NEGR1: variants seen among roughly 807,000 people sequenced by gnomAD.
The protein encoded by NEGR1 is IgLON family member 4.
A neutral mutation model predicts 40.9 loss-of-function variants in NEGR1; 10 were observed. That is an observed-to-expected ratio of 0.24 (90% CI 0.15 to 0.42). The LOEUF (loss-of-function observed/expected upper bound fraction) is 0.42, where lower values mean the gene tolerates loss of function less well. Among genes scored for constraint, NEGR1 ranks in the 10% least tolerant of loss-of-function variants. NEGR1 has a pLI of 1.00. For missense variants in NEGR1, 352 were observed against 438.9 expected (o/e 0.80, Z 1.77); for synonymous variants, 185 against 166.8 (o/e 1.11, Z -0.84).
At chr1:72,253,750 T>TA (rs1453296635) in intron 1 of NEGR1, among the ~76,000 whole-genome samples, 1 of 152,124 alleles carries the variant, frequency 6.6e-6, no homozygotes. Flanking sequence ...TTGAAATCAA[T>TA]AAAAATATTA....
intron 4 of NEGR1, among the ~76,000 whole-genome samples, chr1:71,694,025 C>T (rs956513986): frequency 2.0e-5 from 3 of 151,554 alleles, no homozygotes; most frequent in Non-Finnish European, 4.4e-5. Context: ...ATTTTTCCTG[C>T]GTCCTGTTTT....
At chr1:72,233,703 A>T (rs1654456465) in intron 1 of NEGR1, among the ~76,000 whole-genome samples, 1 of 152,102 alleles carries the variant, frequency 6.6e-6, no homozygotes, top group Non-Finnish European at 1.5e-5. Flanking sequence ...ATTGATGAGC[A>T]CCTAGGTTGA....
chr1:71,947,756 C>T (rs1247591579), intron 1 of NEGR1, among the ~76,000 whole-genome samples: 2 of 149,130 alleles, frequency 1.3e-5, no homozygotes, highest in African/African-American at 5.0e-5. Context: ...TACAGACATT[C>T]TCCAGCAGGT....
intron 3 of NEGR1, among the ~76,000 whole-genome samples, chr1:71,716,903 A>T (rs990933337): frequency 6.6e-6 from 1 of 152,222 alleles, no homozygotes; most frequent in Non-Finnish European, 1.5e-5. Flanking sequence ...TGCAAAAAAC[A>T]AAAGTGAAAT....
Position 71,935,166 on chromosome 1 carries a change from C to T in NEGR1, c.322G>A (p.Val108Ile), listed in dbSNP as rs1645892726. ...TATGGGCCATCATCTGTCACATCTA[C>T]ATTCTGTATCTGGAGGCTGTAGTCC... ...KRDYSLQIQNVDVTDDGPYTC... is the reference protein window; with the variant it reads ...KRDYSLQIQNIDVTDDGPYTC... Residue 108 changes from valine (V) to isoleucine (I), a missense_variant, in exon 2 of 7, where the codon GTA becomes ATA. By Grantham distance (29) the Val-to-Ile change is conservative. Transcript: ENST00000357731. 1 of 1,613,804 alleles carries T rather than the reference C, an allele frequency of 6.2e-7. No individual in the cohort carries two copies. Among genetic ancestry groups the T allele is most frequent in the Non-Finnish European group, 8.5e-7 (1 of 1,179,794 alleles).
rs368670045 is a variant in NEGR1, at chr1:72,103,441, C to T, written c.177-168130G>A. ...ACATTCTGTCTCCCACCAATTCCTTCTAACTTTATTTAGTAAGGAAAATCT... is the reference window on the plus strand; with the variant it reads ...ACATTCTGTCTCCCACCAATTCCTTTTAACTTTATTTAGTAAGGAAAATCT... On this transcript the variant is annotated intron_variant, in intron 1 of 6. Coordinates refer to ENST00000357731, the MANE Select transcript of NEGR1 (RefSeq NM_173808.3). Among the ~76,000 whole-genome samples, 19 of 152,200 alleles carry T rather than the reference C, an allele frequency of 1.2e-4. No homozygotes were observed. In the East Asian group the frequency reaches 2.1e-3, roughly 17 times the overall value.
chr1:71,728,647 A>G, intron 3 of NEGR1, among the ~76,000 whole-genome samples: 1 of 152,264 alleles, frequency 6.6e-6, no homozygotes, highest in African/African-American at 2.4e-5. Flanking sequence ...TGATTTTTAG[A>G]CAATTTTCAT....
At chr1:71,977,325 CA>C (rs66553287) in intron 1 of NEGR1, among the ~76,000 whole-genome samples, 83,142 of 151,354 alleles carry the variant, frequency 0.55, 24,313 homozygotes, top group African/African-American at 0.74. Flanking sequence ...GACTCCATCT[CA>C]AAAAAAACAA....
intron 1 of NEGR1, among the ~76,000 whole-genome samples, chr1:72,062,037 C>T (rs1395877859): frequency 6.6e-6 from 1 of 151,812 alleles, no homozygotes; most frequent in African/African-American, 2.4e-5. Context: ...TCCAAATAGC[C>T]AGCACTTTAT....
intron 6 of NEGR1, among the ~76,000 whole-genome samples, chr1:71,453,480 C>T (rs1177191865): frequency 6.6e-6 from 1 of 152,036 alleles, no homozygotes; most frequent in East Asian, 1.9e-4. Flanking sequence ...TCATTCAATG[C>T]CCAAGATATA....
intron 2 of NEGR1, among the ~76,000 whole-genome samples, chr1:71,873,709 G>A (rs61765280): frequency 2.6e-5 from 4 of 152,120 alleles, no homozygotes; most frequent in African/African-American, 7.2e-5. Flanking sequence ...ATGGAAAAAC[G>A]TTAGTAGACT....
intron 2 of NEGR1, among the ~76,000 whole-genome samples, chr1:71,903,412 T>C (rs1022398959): frequency 7.2e-5 from 11 of 152,030 alleles, no homozygotes; most frequent in African/African-American, 2.7e-4. Flanking sequence ...CTTCATTCTA[T>C]AAATATTAAC....
intron 4 of NEGR1, among the ~76,000 whole-genome samples, chr1:71,697,323 G>C (rs981003743): frequency 2.0e-5 from 3 of 151,652 alleles, no homozygotes; most frequent in African/African-American, 7.3e-5. Context: ...AAGACTTAGG[G>C]GAGATTTTTG....
At chr1:72,105,655 G>A (rs750340752) in intron 1 of NEGR1, among the ~76,000 whole-genome samples, 2 of 152,068 alleles carry the variant, frequency 1.3e-5, no homozygotes, top group Non-Finnish European at 2.9e-5. Context: ...GTCTTCCTTA[G>A]GATGTGGAAA....
chr1:71,423,028 G>T (rs1300568665), intron 6 of NEGR1: 1 of 152,026 alleles, frequency 6.6e-6, no homozygotes, highest in Non-Finnish European at 1.5e-5. Flanking sequence ...TTATGAAACA[G>T]GTATCCTGAG....
chr1:71,684,236 A>T (rs1652944144), intron 4 of NEGR1, among the ~76,000 whole-genome samples: 1 of 152,084 alleles, frequency 6.6e-6, no homozygotes, highest in Non-Finnish European at 1.5e-5. Context: ...GCGCCACTGC[A>T]CTCCAGCCTG....
intron 2 of NEGR1, among the ~76,000 whole-genome samples, chr1:71,824,917 T>G (rs567133987): frequency 1.3e-5 from 2 of 152,110 alleles, no homozygotes; most frequent in East Asian, 3.9e-4. Flanking sequence ...TATGGATATT[T>G]GAGTTGTTTT....
At chr1:71,607,048 A>G (rs577210576) in intron 5 of NEGR1, among the ~76,000 whole-genome samples, 1 of 152,236 alleles carries the variant, frequency 6.6e-6, no homozygotes, top group African/African-American at 2.4e-5. Context: ...CGATCGTATA[A>G]GTTATTTCTG....
intron 2 of NEGR1, among the ~76,000 whole-genome samples, chr1:71,782,790 T>C (rs1000824076): frequency 6.6e-6 from 1 of 152,200 alleles, no homozygotes; most frequent in African/African-American, 2.4e-5. Context: ...GGGTCCTGTG[T>C]GACTTTTTCA....
Sources: allele counts gnomAD v4.1 joint callset (sites outside exome capture counted in the v4.1 genomes callset), GRCh38; gene constraint gnomAD v4.1.1; transcripts MANE v1.5; gene names NCBI Gene and HGNC (gene_info 2026-07-23, HGNC 2026-07-21).